The following RTN1 variants were observed in gnomAD, a reference collection of about 807,000 sequenced individuals.
RTN1 encodes the protein reticulon 1.
In RTN1, 25 loss-of-function variants were observed where a neutral mutation model predicts 65.5. That is an observed-to-expected ratio of 0.38 (90% CI 0.28 to 0.53). The LOEUF (loss-of-function observed/expected upper bound fraction) is 0.53. RTN1 is among the 20% of genes least tolerant of loss of function. The probability of loss-of-function intolerance (pLI) is 0.79; values close to 1 mark genes in which losing one functional copy is unlikely to be tolerated. For synonymous variants in RTN1, 471 were observed against 447.6 expected, an observed-to-expected ratio of 1.05 and a Z score of -0.66; for missense variants, 983 against 1,025.4, an observed-to-expected ratio of 0.96 and a Z score of 0.57.
chr14:59,622,988 A>G (rs879475533), intron 3 of RTN1, among the ~76,000 whole-genome samples: 1 of 152,224 alleles, frequency 6.6e-6, no homozygotes, highest in Non-Finnish European at 1.5e-5. Flanking sequence ...TTTTGAAAGG[A>G]AAGACACATT....
intron 3 of RTN1, among the ~76,000 whole-genome samples, chr14:59,703,084 C>A (rs1482203654): frequency 1.5e-4 from 23 of 152,118 alleles, no homozygotes; most frequent in Admixed American, 1.4e-3. Context: ...CTCCCTTGAC[C>A]ACCTGATATA....
At chr14:59,658,342 T>C (rs1255765297) in intron 3 of RTN1, among the ~76,000 whole-genome samples, 6 of 135,378 alleles carry the variant, frequency 4.4e-5, no homozygotes, top group Non-Finnish European at 9.6e-5. Flanking sequence ...ACTTAAATGT[T>C]CCTGCCTTCT....
chr14:59,864,147 A>C (rs960479623), intron 1 of RTN1, among the ~76,000 whole-genome samples: 1 of 152,058 alleles, frequency 6.6e-6, no homozygotes, highest in Non-Finnish European at 1.5e-5. Context: ...CTCTCATCAC[A>C]CTCAGAGTAA....
intron 3 of RTN1, among the ~76,000 whole-genome samples, chr14:59,653,290 C>G (rs1000547374): frequency 1.2e-4 from 18 of 152,096 alleles, no homozygotes; most frequent in African/African-American, 4.3e-4. Context: ...ATGCTGTCAA[C>G]CAAGAATTTT....
intron 1 of RTN1, among the ~76,000 whole-genome samples, chr14:59,755,588 A>G (rs1332493703): frequency 6.6e-6 from 1 of 152,182 alleles, no homozygotes; most frequent in Non-Finnish European, 1.5e-5. Flanking sequence ...TCTAAGTGCT[A>G]TGAAATCAGC....
At position 59,727,629 on chromosome 14, in the gene RTN1, G is replaced by A. The variant is rs755940701; in HGVS notation, c.1055C>T (p.Ser352Phe). The A allele has an allele frequency of 1.2e-6, 2 of 1,610,706 alleles. No homozygotes were observed. The highest frequency in any genetic ancestry group is 2.2e-5 in the South Asian group (2 of 90,752). ...AAESQGKGSI[S>F]EDELITAIKE... is the part of the protein sequence containing the mutation. ...GATGGCGGTGATCAGCTCATCCTCG[G>A]AGATGCTGCCTTTCCCCTGGGATTC... The change falls in exon 3 of 9, where the codon TCC becomes TTC. Residue 352 changes from serine (S) to phenylalanine (F), a missense_variant. By Grantham distance (155) the Ser-to-Phe change is radical. Transcript: ENST00000267484. The surrounding 1 kb of genome is among the most constrained non-coding windows in gnomAD (Gnocchi z 4.2).
intron 3 of RTN1, among the ~76,000 whole-genome samples, chr14:59,682,123 T>A (rs1367584958): frequency 2.0e-5 from 3 of 152,182 alleles, no homozygotes; most frequent in African/African-American, 4.8e-5. Context: ...GCTTTGCCAC[T>A]GACATACTTT....
At chr14:59,800,322 T>G (rs1886518008) in intron 1 of RTN1, among the ~76,000 whole-genome samples, 1 of 152,222 alleles carries the variant, frequency 6.6e-6, no homozygotes, top group South Asian at 2.1e-4. Flanking sequence ...GCTATTTGCC[T>G]CTTTCTCTAT....
Position 59,829,716 on chromosome 14 carries a change from T to G in RTN1, c.241+40674A>C, listed in dbSNP as rs1002809294. ...AGCAGGCAGAGGGAGGCCCCACTCC[T>G]GTGCTTCCACAAAGCAAGAGGAAGG... On this transcript the variant is annotated intron_variant, in intron 1 of 8. Transcript: ENST00000267484. The surrounding 1 kb of genome is among the most constrained non-coding windows in gnomAD (Gnocchi z 4.3). Among the ~76,000 whole-genome samples the G allele has an allele frequency of 4.6e-5, 7 of 152,226 alleles. No individual in the cohort carries two copies. The highest frequency in any genetic ancestry group is 1.0e-4 in the Non-Finnish European group (7 of 68,034).
chr14:59,651,417 C>T (rs1319187431), intron 3 of RTN1, among the ~76,000 whole-genome samples: 1 of 151,882 alleles, frequency 6.6e-6, no homozygotes, highest in Non-Finnish European at 1.5e-5. Context: ...AATGTAAAAC[C>T]CAAAACTATA....
In RTN1 at chr14:59,629,063, T is replaced by C. The variant is rs572280807; in HGVS notation, c.1766-21571A>G. Among the ~76,000 whole-genome samples the C allele has an allele frequency of 2.0e-5, 3 of 152,348 alleles. No individual in the cohort carries two copies. In the East Asian group the frequency reaches 5.8e-4, roughly 29 times the overall value. On this transcript the variant is annotated intron_variant, in intron 3 of 8. Transcript: ENST00000267484. ...AACAAGAATAAAATGTTACAAAATATTTTCACAGCTGCCTTCTATATTGAA... is the reference window on the plus strand; with the variant it reads ...AACAAGAATAAAATGTTACAAAATACTTTCACAGCTGCCTTCTATATTGAA...
rs778655609 is a variant in RTN1 at position 59,607,276 on chromosome 14, G to T, written c.1973+9C>A. 2 of 1,613,062 alleles carry T rather than the reference G, an allele frequency of 1.2e-6. No homozygotes were observed. Among genetic ancestry groups the T allele is most frequent in the African/African-American group, 2.7e-5 (2 of 75,016 alleles). The stretch of plus-strand genomic sequence containing the variant: ...CAGTGGGTGAGGGCTCCTCAGCTGA[G>T]GCACTCACTTGAAAGGGTGGCCTTC... On this transcript the variant is annotated intron_variant, in intron 4 of 8. Transcript: ENST00000267484.
chr14:59,782,603 T>G (rs1886176966), intron 1 of RTN1, among the ~76,000 whole-genome samples: 1 of 152,190 alleles, frequency 6.6e-6, no homozygotes, highest in South Asian at 2.1e-4. Flanking sequence ...GTCTCTTACC[T>G]AATTAATTAT....
At chr14:59,827,849 C>A (rs1887061512) in intron 1 of RTN1, among the ~76,000 whole-genome samples, 2 of 152,164 alleles carry the variant, frequency 1.3e-5, no homozygotes, top group Non-Finnish European at 2.9e-5. Flanking sequence ...GCATTCAGGG[C>A]AAGTCTTTTG....
At chr14:59,739,159 GA>G (rs375285553) in intron 2 of RTN1, among the ~76,000 whole-genome samples, 4,142 of 144,552 alleles carry the variant, frequency 0.029, 62 homozygotes, top group Middle Eastern at 0.072. Context: ...GAGCTTAAAA[GA>G]AAAAAAAAAA....
At chr14:59,860,232 G>A (rs1031291290) in intron 1 of RTN1, among the ~76,000 whole-genome samples, 6 of 152,218 alleles carry the variant, frequency 3.9e-5, no homozygotes, top group African/African-American at 1.4e-4. Context: ...GGGACTTGGT[G>A]CCCTGCTTCT....
chr14:59,843,157 T>G (rs886510138), intron 1 of RTN1, among the ~76,000 whole-genome samples: 1 of 152,194 alleles, frequency 6.6e-6, no homozygotes, highest in Non-Finnish European at 1.5e-5. Context: ...TTTTTAAAAC[T>G]CTCAATATGC....
intron 3 of RTN1, among the ~76,000 whole-genome samples, chr14:59,695,937 A>G (rs1208887312): frequency 6.6e-6 from 1 of 152,076 alleles, no homozygotes; most frequent in Admixed American, 6.6e-5. Context: ...TATTCAAATG[A>G]TATGTTGATT....
At chr14:59,830,600 A>T (rs1887107936) in intron 1 of RTN1, among the ~76,000 whole-genome samples, 1 of 152,220 alleles carries the variant, frequency 6.6e-6, no homozygotes, top group Admixed American at 6.5e-5. Context: ...TCATCTTTAA[A>T]ATCAGGAGAT....
Sources: gnomAD v4.1 joint callset for allele counts (sites outside exome capture counted in the v4.1 genomes callset) on GRCh38, gnomAD v4.1.1 for gene constraint, Gnocchi (gnomAD v3.1) non-coding constraint, MANE v1.5 for transcripts, NCBI Gene and HGNC (gene_info 2026-07-23, HGNC 2026-07-21) for gene names.